The following KY variants were observed in gnomAD, a reference collection of about 807,000 sequenced individuals.
KY encodes kyphoscoliosis peptidase.
A neutral mutation model predicts 76.1 loss-of-function variants in KY; 43 were observed. The observed-to-expected ratio is 0.57, with a 90% CI of 0.44 to 0.73. KY has a LOEUF of 0.73. Ranked by LOEUF, KY falls within the 30% of genes least tolerant of loss-of-function variation. The probability of loss-of-function intolerance (pLI) is 0.00; values close to 1 mark genes in which losing one functional copy is unlikely to be tolerated. For synonymous variants in KY, 277 were observed against 326.2 expected (o/e 0.85, Z 1.63); for missense variants, 722 against 828.9 (o/e 0.87, Z 1.58).
At chr3:134,611,348 C>A (rs1391950159) in intron 8 of KY, among the ~76,000 whole-genome samples, 1 of 152,162 alleles carries the variant, frequency 6.6e-6, no homozygotes, top group Non-Finnish European at 1.5e-5. Flanking sequence ...GCTGTGGGCA[C>A]CAGTCCAAGG....
intron 2 of KY, among the ~76,000 whole-genome samples, chr3:134,646,808 G>A (rs1402768916): frequency 6.6e-6 from 1 of 152,126 alleles, no homozygotes; most frequent in African/African-American, 2.4e-5. Context: ...ACCTTCACGT[G>A]CCCACTGTGC....
intron 3 of KY, among the ~76,000 whole-genome samples, chr3:134,643,110 T>G (rs1380896958): frequency 6.6e-6 from 1 of 152,056 alleles, no homozygotes; most frequent in Non-Finnish European, 1.5e-5. Context: ...CTTGATCTCA[T>G]GGTGAGGGGA....
chr3:134,604,263 C>T lies in KY; in HGVS notation c.1302G>A (p.Lys434=), dbSNP rs1231391069. 6.2e-7 allele frequency: 1 copy of T among 1,613,854 alleles called. No individual in the cohort carries two copies. Among genetic ancestry groups the T allele is most frequent in the Non-Finnish European group, 8.5e-7 (1 of 1,179,912 alleles). The change falls in exon 11 of 11, where the codon AAG becomes AAA. Residue 434 remains lysine (K), a synonymous_variant. Coordinates refer to ENST00000423778, the MANE Select transcript of KY (RefSeq NM_178554.6). ...IYSSVLEYTL[K]CNYVDMGVQL... ...GGACACCCATGTCCACATAATTGCA[C>T]TTGAGCGTGTACTCCAGCACTGAGC... is the stretch of plus-strand genomic sequence containing the variant.
chr3:134,606,929 C>T, intron 10 of KY: 2 of 985,264 alleles, frequency 2.0e-6, no homozygotes, highest in Non-Finnish European at 2.4e-6. Context: ...CTCAGTTTCC[C>T]TATTTTGTTT....
chr3:134,641,217 T>C (rs1965717170), intron 3 of KY: 1 of 152,230 alleles, frequency 6.6e-6, no homozygotes, highest in African/African-American at 2.4e-5. Context: ...CACTTTAAAT[T>C]GTCCCCTGGG....
intron 3 of KY, among the ~76,000 whole-genome samples, chr3:134,636,350 C>G (rs2107954645): frequency 6.6e-6 from 1 of 152,246 alleles, no homozygotes; most frequent in East Asian, 1.9e-4. Context: ...GTCTTTTGTT[C>G]CACCCCTTGA....
At chr3:134,614,110 C>A (rs1466910204) in intron 8 of KY, among the ~76,000 whole-genome samples, 1 of 152,154 alleles carries the variant, frequency 6.6e-6, no homozygotes, top group Non-Finnish European at 1.5e-5. Flanking sequence ...GTCTCCAGAA[C>A]TTTGCTTATA....
chr3:134,611,895 A>G (rs1173386875), intron 8 of KY, among the ~76,000 whole-genome samples: 1 of 152,240 alleles, frequency 6.6e-6, no homozygotes, highest in South Asian at 2.1e-4. Context: ...AAAAATGAAC[A>G]TGTAATTTAA....
Position 134,620,778 on chromosome 3 carries a change from G to A in KY, c.563C>T (p.Ala188Val), listed in dbSNP as rs199887588. ...GTGATGGCAGATCCAGATCCAGATG[G>A]CGCGGACCCTTTCCAGGTCAGTGTG... is the stretch of plus-strand genomic sequence containing the variant. Reference protein sequence around the residue: ...EAHTDLERVRAIWIWICHHIE... With the variant: ...EAHTDLERVRVIWIWICHHIE... The change falls in exon 7 of 11, where the codon GCC becomes GTC. Residue 188 changes from alanine to valine, a missense_variant. This residue lies in a region of KY where 552 missense variants were observed against 680.9 expected (regional missense o/e 0.81). Coordinates refer to ENST00000423778, the MANE Select transcript of KY (RefSeq NM_178554.6). The A allele has an allele frequency of 6.2e-7, 1 of 1,613,724 alleles. No homozygotes were observed. Among genetic ancestry groups the A allele is most frequent in the East Asian group, 2.2e-5 (1 of 44,878 alleles).
At chr3:134,611,514 G>C (rs1214454086) in intron 8 of KY, among the ~76,000 whole-genome samples, 1 of 152,228 alleles carries the variant, frequency 6.6e-6, no homozygotes, top group African/African-American at 2.4e-5. Flanking sequence ...TAGGGCCTTT[G>C]TGTAAATTAG....
intron 6 of KY, 46 bp downstream of exon 6, chr3:134,625,007 A>C: frequency 2.0e-6 from 3 of 1,524,902 alleles, no homozygotes; most frequent in Non-Finnish European, 2.7e-6. Flanking sequence ...CTAGAACTCT[A>C]AGCCACCTTG....
At chr3:134,611,421 T>C (rs1219308264) in intron 8 of KY, among the ~76,000 whole-genome samples, 1 of 152,190 alleles carries the variant, frequency 6.6e-6, no homozygotes, top group Non-Finnish European at 1.5e-5. Flanking sequence ...GCAGCCCTGC[T>C]CCCCTGAGGA....
intron 9 of KY, 82 bp from the exon 10 acceptor site, chr3:134,608,921 G>A (rs891196519): frequency 4.7e-6 from 7 of 1,475,738 alleles, no homozygotes; most frequent in African/African-American, 1.4e-5. Flanking sequence ...GTGGTCCTAT[G>A]GACACCCTGG....
chr3:134,616,599 T>G (rs1227251902), intron 8 of KY, among the ~76,000 whole-genome samples: 4 of 152,216 alleles, frequency 2.6e-5, no homozygotes. Flanking sequence ...TGAGGAATTT[T>G]GCACATGGTA....
intron 6 of KY, among the ~76,000 whole-genome samples, chr3:134,623,822 G>C (rs558460089): frequency 6.6e-6 from 1 of 152,190 alleles, no homozygotes; most frequent in Non-Finnish European, 1.5e-5. Context: ...TCTGCCCCAG[G>C]GAGCCCCTCC....
chr3:134,619,764 G>A (rs2107829225), intron 7 of KY, among the ~76,000 whole-genome samples: 1 of 152,346 alleles, frequency 6.6e-6, no homozygotes, highest in South Asian at 2.1e-4. Context: ...TAAGGCAGAA[G>A]TCTCTGTAGC....
chr3:134,644,533 C>T (rs375926961), intron 2 of KY, among the ~76,000 whole-genome samples: 9 of 152,224 alleles, frequency 5.9e-5, no homozygotes, highest in South Asian at 2.1e-4. Flanking sequence ...GGTTCCCCCA[C>T]CACTACCACT....
At chr3:134,604,580 G>A (rs889335556) in intron 10 of KY, 106 bp from the exon 11 acceptor site, 2 of 955,524 alleles carry the variant, frequency 2.1e-6, no homozygotes, top group Admixed American at 2.5e-5. Flanking sequence ...CTGACTTATA[G>A]AGCTTGTCTA....
chr3:134,617,231 A>G (rs191610418), intron 8 of KY, among the ~76,000 whole-genome samples: 214 of 152,342 alleles, frequency 1.4e-3, no homozygotes, highest in Non-Finnish European at 2.4e-3. Context: ...CATTTTTCAA[A>G]TTTGTAAAAT....
Sources: gnomAD v4.1 joint callset for allele counts (sites outside exome capture counted in the v4.1 genomes callset) on GRCh38, gnomAD v4.1.1 for gene constraint, gnomAD v4.1.1 regional missense constraint, MANE v1.5 for transcripts, NCBI Gene and HGNC (gene_info 2026-07-23, HGNC 2026-07-21) for gene names.